The following S100PBP variants were observed in gnomAD, a reference collection of about 807,000 sequenced individuals.
S100PBP encodes S100P binding protein.
In S100PBP, 15 loss-of-function variants were observed where a neutral mutation model predicts 39.9. That is an observed-to-expected ratio of 0.38 (90% CI 0.25 to 0.58). S100PBP has a LOEUF of 0.58. Among genes scored for constraint, S100PBP ranks in the 20% least tolerant of loss-of-function variants. The probability of loss-of-function intolerance (pLI) is 0.70; values close to 1 mark genes in which losing one functional copy is unlikely to be tolerated. For missense variants in S100PBP, 504 were observed against 487.3 expected (o/e 1.03, Z -0.32); for synonymous variants, 178 against 180.3 (o/e 0.99, Z 0.10).
At chr1:32,836,432 T>G in intron 5 of S100PBP, 4 of 579,886 alleles carry the variant, frequency 6.9e-6, no homozygotes, top group Non-Finnish European at 8.7e-6. Flanking sequence ...GTGCCTGGCT[T>G]GTGTTTTTGT....
chr1:32,817,273 A>G, upstream of S100PBP: 1 of 1,613,488 alleles, frequency 6.2e-7, no homozygotes, highest in Non-Finnish European at 8.5e-7. Flanking sequence ...TCCCCCGCTC[A>G]GCCCGGCACC....
rs1339403807 is a variant in S100PBP at position 32,856,215 on chromosome 1, A to G, written c.*177A>G. The G allele has an allele frequency of 2.2e-6, 1 of 448,598 alleles. No individual in the cohort carries two copies. The highest frequency in any genetic ancestry group is 4.1e-6 in the Non-Finnish European group (1 of 245,016). The allele number at this position is 448,598 out of a possible 1,614,324, so 27.8% of individuals were successfully genotyped here. A position where few individuals can be genotyped will look rare whatever the true frequency, so the allele number is the denominator to read the frequency against. On this transcript the variant is annotated 3_prime_UTR_variant, in exon 7 of 7. Transcript: ENST00000373475. ...CCATTGCCGACTTGAATTTTTTTGT[A>G]TGAAGTCCCTCCTGATTTTGTGTGT...
rs148896409 is a variant in S100PBP at position 32,820,134 on chromosome 1, C to T, written c.-120+2445C>T. Among the ~76,000 whole-genome samples, 180 of 139,672 alleles carry T rather than the reference C, an allele frequency of 1.3e-3. 1 individual carries two copies. The highest frequency in any genetic ancestry group is 4.3e-3 in the African/African-American group (163 of 37,936). 91.6% of individuals were successfully genotyped at this position (139,672 alleles called of 152,430 possible). A position where few individuals can be genotyped will look rare whatever the true frequency, so the allele number is the denominator to read the frequency against. On this transcript the variant is annotated intron_variant, in intron 1 of 6. Transcript: ENST00000373475. ...CCAGTTTAGCACTCTTTTTTCCTAC[C>T]GTTCCTATGCTTTTTTTTTTTTTTT...
intron 2 of S100PBP, 85 bp from the exon 3 acceptor site, chr1:32,826,013 C>A: frequency 1.1e-6 from 1 of 931,118 alleles, no homozygotes; most frequent in Non-Finnish European, 1.7e-6. Context: ...TTTTGAAATA[C>A]TAGAACATTA....
intron 1 of S100PBP, chr1:32,824,846 A>ATATATATATATATAT (rs1557482764): frequency 6.9e-6 from 1 of 145,916 alleles, no homozygotes; most frequent in Admixed American, 6.9e-5. Context: ...ATATATATAT[A>ATATATATATATATAT]AAGATTTGTG....
upstream of S100PBP, chr1:32,817,214 G>C: frequency 1.2e-6 from 2 of 1,614,212 alleles, no homozygotes; most frequent in African/African-American, 1.3e-5. Context: ...ATAAGGTGCA[G>C]TTTCTCTTCA....
In S100PBP at chr1:32,826,597, T is replaced by A; in HGVS notation, c.498T>A (p.Asp166Glu). 3.1e-6 allele frequency: 5 copies of A among 1,613,930 alleles called. No homozygotes were observed. Among genetic ancestry groups the A allele is most frequent in the Non-Finnish European group, 4.2e-6 (5 of 1,180,006 alleles). Residue 166 changes from aspartate (D) to glutamate (E), a missense_variant, in exon 3 of 7, where the codon GAT (aspartate) becomes GAA (glutamate). Transcript: ENST00000373475. Reference protein sequence around the residue: ...CDALLDKDETDSSKDTEKLSS... With the variant: ...CDALLDKDETESSKDTEKLSS... The stretch of plus-strand genomic sequence containing the variant: ...CTCTGCTTGATAAGGACGAGACTGA[T>A]TCGTCCAAAGATACTGAAAAACTCT...
intron 5 of S100PBP, among the ~76,000 whole-genome samples, chr1:32,845,018 AT>A (rs1271084411): frequency 4.6e-5 from 6 of 130,758 alleles, no homozygotes; most frequent in Non-Finnish European, 9.5e-5. Context: ...TTTATTATTT[AT>A]TTATTTATTT....
intron 5 of S100PBP, chr1:32,836,711 C>A: frequency 2.4e-6 from 1 of 408,452 alleles, no homozygotes; most frequent in Non-Finnish European, 3.3e-6. Flanking sequence ...ACAGAGCTGT[C>A]ATCCCAGGAT....
chr1:32,824,563 C>CA (rs1639235744), intron 1 of S100PBP, among the ~76,000 whole-genome samples: 1 of 145,352 alleles, frequency 6.9e-6, no homozygotes, highest in Non-Finnish European at 1.5e-5. Flanking sequence ...TTGTTTGTAT[C>CA]TTTTTTTTTT....
At chr1:32,822,839 C>T (rs1401718659) in intron 1 of S100PBP, among the ~76,000 whole-genome samples, 1 of 152,016 alleles carries the variant, frequency 6.6e-6, no homozygotes, top group African/African-American at 2.4e-5. Context: ...GCAATGGTTA[C>T]GAAGGATATT....
rs76932448 is a variant in S100PBP at position 32,826,432 on chromosome 1, T to C, written c.333T>C (p.Pro111=). 46 of 1,614,158 alleles carry C rather than the reference T, an allele frequency of 2.8e-5. No individual in the cohort carries two copies. The East Asian group carries it at 1.0e-3, about 36-fold the overall frequency. ...SYSLGPVAET[P]DLFKLPQLST... ...GCCTGGGACCAGTAGCTGAGACTCCTGACCTCTTCAAACTACCTCAGCTAA... is the reference window on the plus strand; with the variant it reads ...GCCTGGGACCAGTAGCTGAGACTCCCGACCTCTTCAAACTACCTCAGCTAA... Residue 111 remains proline, a synonymous_variant, in exon 3 of 7, where the codon CCT becomes CCC. Coordinates refer to ENST00000373475, the MANE Select transcript of S100PBP (RefSeq NM_022753.4).
chr1:32,838,352 A>G (rs983028716), intron 5 of S100PBP, among the ~76,000 whole-genome samples: 1 of 150,366 alleles, frequency 6.7e-6, no homozygotes, highest in African/African-American at 2.4e-5. Flanking sequence ...AAAAAAAAAA[A>G]AGAAAAGAAA....
At chr1:32,833,019 C>G in intron 5 of S100PBP, among the ~76,000 whole-genome samples, 1 of 151,790 alleles carries the variant, frequency 6.6e-6, no homozygotes, top group East Asian at 1.9e-4. Context: ...AAAAGAAATA[C>G]CAACAACTTC....
chr1:32,830,206 A>G, intron 5 of S100PBP, 139 bp downstream of exon 5: 3 of 641,630 alleles, frequency 4.7e-6, no homozygotes, highest in Non-Finnish European at 8.1e-6. Flanking sequence ...AAAGATTTTC[A>G]CTTAAAAGGA....
intron 5 of S100PBP, 181 bp from the exon 6 acceptor site, chr1:32,852,898 A>C (rs1640669923): frequency 1.8e-6 from 1 of 541,384 alleles, no homozygotes; most frequent in Non-Finnish European, 3.3e-6. Context: ...CTTCACCTTC[A>C]CCCTCCAAGA....
intron 1 of S100PBP, among the ~76,000 whole-genome samples, chr1:32,819,116 G>A (rs559916941): frequency 2.0e-5 from 3 of 152,126 alleles, no homozygotes; most frequent in Non-Finnish European, 4.4e-5. Flanking sequence ...GCAACCAGGA[G>A]GTTCGAGAAC....
At chr1:32,817,507 C>T (rs36056058), upstream of S100PBP, 4 of 599,216 alleles carry the variant, frequency 6.7e-6, no homozygotes. Flanking sequence ...GCTGAGGCGC[C>T]TGAGCGGGGC....
At position 32,826,291 on chromosome 1, in the gene S100PBP, A is replaced by C. The variant is rs756152650; in HGVS notation, c.192A>C (p.Glu64Asp). The change falls in exon 3 of 7, where the codon GAA becomes GAC. Residue 64 changes from glutamate (E) to aspartate (D), a missense_variant. Coordinates refer to ENST00000373475, the MANE Select transcript of S100PBP (RefSeq NM_022753.4). ...TEEEIDALLK[E>D]DDPSYEQSSG... Reference sequence around the variant, plus strand: ...AAGAGATTGATGCACTGTTGAAGGAAGATGACCCATCATATGAGCAGTCTT... The same window carrying C: ...AAGAGATTGATGCACTGTTGAAGGACGATGACCCATCATATGAGCAGTCTT... 1 of 1,614,190 alleles carries C rather than the reference A, an allele frequency of 6.2e-7. No individual in the cohort carries two copies. The highest frequency in any genetic ancestry group is 8.5e-7 in the Non-Finnish European group (1 of 1,180,024).
Sources: gnomAD v4.1 joint callset for allele counts (sites outside exome capture counted in the v4.1 genomes callset) on GRCh38, gnomAD v4.1.1 for gene constraint, MANE v1.5 for transcripts, NCBI Gene and HGNC (gene_info 2026-07-23, HGNC 2026-07-21) for gene names.